The following TBC1D1 variants were observed in gnomAD, a reference collection of about 807,000 sequenced individuals.
TBC1D1 encodes the protein TBC1 (tre-2/USP6, BUB2, cdc16) domain family, member 1.
In TBC1D1, 89 loss-of-function variants were observed where a neutral mutation model predicts 125.6. The observed-to-expected ratio is 0.71, with a 90% CI of 0.60 to 0.85. The LOEUF (loss-of-function observed/expected upper bound fraction) is 0.85. TBC1D1 is among the 40% of genes least tolerant of loss of function. The pLI is 0.00. For synonymous variants in TBC1D1, 565 were observed against 564.1 expected, an observed-to-expected ratio of 1.00 and a Z score of -0.02; for missense variants, 1,377 against 1,469.2, an observed-to-expected ratio of 0.94 and a Z score of 1.03.
rs1175260940 is a variant in TBC1D1 at position 37,902,099 on chromosome 4, G to T, written c.4G>T (p.Glu2Ter). 1 of 1,596,346 alleles carries T rather than the reference G, an allele frequency of 6.3e-7. No individual in the cohort carries two copies. Among genetic ancestry groups the T allele is most frequent in the East Asian group, 2.2e-5 (1 of 44,710 alleles). Residue 2 changes from glutamate (E) to a stop codon, truncating the protein, a stop_gained, in exon 2 of 20, where the codon GAA becomes TAA. Coordinates refer to ENST00000261439, the MANE Select transcript of TBC1D1 (RefSeq NM_015173.4). LOFTEE classifies it high-confidence loss of function. ...GAGTTCCCAGACCCTTCCCAAGATG[G>T]AACCAATAACATTCACAGCAAGGAA...
intron 2 of TBC1D1, among the ~76,000 whole-genome samples, chr4:37,953,934 G>A (rs539527731): frequency 6.6e-6 from 1 of 152,172 alleles, no homozygotes; most frequent in African/African-American, 2.4e-5. Context: ...AGATTATCAG[G>A]CTCCACTTCA....
intron 19 of TBC1D1, among the ~76,000 whole-genome samples, chr4:38,135,922 ATATGTGTG>A (rs1426368087): frequency 1.3e-5 from 1 of 76,760 alleles, no homozygotes; most frequent in Non-Finnish European, 2.7e-5. Flanking sequence ...GTGTGTGTGT[ATATGTGTG>A]TGTGTGTGTG....
chr4:38,003,358 C>T (rs1325213691), intron 2 of TBC1D1, among the ~76,000 whole-genome samples: 1 of 152,078 alleles, frequency 6.6e-6, no homozygotes, highest in Non-Finnish European at 1.5e-5. Context: ...TTAATCAGAA[C>T]ATTCATACTC....
intron 2 of TBC1D1, among the ~76,000 whole-genome samples, chr4:37,919,344 T>TG (rs1353958971): frequency 1.3e-5 from 2 of 151,298 alleles, no homozygotes; most frequent in Admixed American, 6.6e-5. Context: ...GTTTTTGTTT[T>TG]TTTTTTTTTT....
chr4:37,900,991 G>C (rs1715848154), intron 1 of TBC1D1, among the ~76,000 whole-genome samples: 1 of 151,278 alleles, frequency 6.6e-6, no homozygotes, highest in Non-Finnish European at 1.5e-5. Context: ...AGAATTGCTT[G>C]AACCCAGGGG....
intron 2 of TBC1D1, among the ~76,000 whole-genome samples, chr4:37,983,123 T>C (rs940510904): frequency 2.6e-5 from 1 of 38,878 alleles, no homozygotes; most frequent in Admixed American, 4.4e-4. Flanking sequence ...CCCAAACTCT[T>C]TTTTTTTTTT....
rs189728614 is a variant in TBC1D1 at position 37,972,332 on chromosome 4, T to G, written c.418-42177T>G. On this transcript the variant is annotated intron_variant, in intron 2 of 19. Transcript: ENST00000261439. ...CCCTGTCTCTACTAAAAATACAAAA[T>G]TAGCCAGGTGTGACAGTGCATGCCT... 6.1e-4 allele frequency among the ~76,000 whole-genome samples: 93 copies of G among 151,730 alleles called. 2 individuals carry two copies. Among genetic ancestry groups the G allele is most frequent in the Admixed American group, 5.6e-3 (85 of 15,236 alleles).
chr4:37,960,825 C>A (rs773185229), intron 2 of TBC1D1: 1 of 1,614,006 alleles, frequency 6.2e-7, no homozygotes, highest in Non-Finnish European at 8.5e-7. Flanking sequence ...TTTTGACCTG[C>A]CTGAAGAGCG....
At chr4:37,969,596 C>T (rs1482403305) in intron 2 of TBC1D1, among the ~76,000 whole-genome samples, 2 of 152,210 alleles carry the variant, frequency 1.3e-5, no homozygotes, top group African/African-American at 2.4e-5. Context: ...TCCACTGCCT[C>T]AGCCTCCCAA....
chr4:37,969,356 G>C (rs996911478), intron 2 of TBC1D1, among the ~76,000 whole-genome samples: 1 of 152,120 alleles, frequency 6.6e-6, no homozygotes, highest in Non-Finnish European at 1.5e-5. Flanking sequence ...TTGTTTGTTT[G>C]TTTGAGACAG....
chr4:38,029,524 C>A (rs1030485824), intron 7 of TBC1D1, among the ~76,000 whole-genome samples: 4 of 152,184 alleles, frequency 2.6e-5, no homozygotes, highest in Non-Finnish European at 2.9e-5. Context: ...CCTGCCACCA[C>A]CACACTGCTA....
intron 7 of TBC1D1, among the ~76,000 whole-genome samples, chr4:38,032,981 G>A (rs1370089689): frequency 6.6e-6 from 1 of 152,072 alleles, no homozygotes; most frequent in East Asian, 1.9e-4. Flanking sequence ...TTTCTTGATT[G>A]TGTATAACAC....
chr4:38,122,017 A>T (rs1413010649), intron 17 of TBC1D1, among the ~76,000 whole-genome samples: 1 of 152,124 alleles, frequency 6.6e-6, no homozygotes, highest in East Asian at 1.9e-4. Flanking sequence ...CACCCAAATG[A>T]TCTCCCGATT....
intron 2 of TBC1D1, among the ~76,000 whole-genome samples, chr4:37,980,097 C>T (rs1464475196): frequency 6.6e-6 from 1 of 152,212 alleles, no homozygotes; most frequent in Non-Finnish European, 1.5e-5. Context: ...ATGTGTTTTT[C>T]TTGCACGATG....
chr4:38,072,325 C>T (rs567660651), intron 12 of TBC1D1, among the ~76,000 whole-genome samples: 1 of 152,332 alleles, frequency 6.6e-6, no homozygotes, highest in Non-Finnish European at 1.5e-5. Context: ...TACATCATGA[C>T]TTTCCTGCCC....
chr4:37,971,017 T>C (rs1401088169), intron 2 of TBC1D1, among the ~76,000 whole-genome samples: 3 of 152,082 alleles, frequency 2.0e-5, no homozygotes, highest in Non-Finnish European at 2.9e-5. Flanking sequence ...TTGCTTCTTG[T>C]TCCTCCTCAA....
Position 37,960,920 on chromosome 4 carries a change from C to T in TBC1D1, c.418-53589C>T, listed in dbSNP as rs768533112. Reference sequence around the variant, plus strand: ...AGCTTGAAAAGCTGTTTCAGCTGGGCCCCCCTTCACCTGTGAAAATGCCCT... The same window carrying T: ...AGCTTGAAAAGCTGTTTCAGCTGGGTCCCCCTTCACCTGTGAAAATGCCCT... On this transcript the variant is annotated intron_variant, in intron 2 of 19. Transcript: ENST00000261439. The T allele has an allele frequency of 2.2e-5, 35 of 1,613,970 alleles. No individual in the cohort carries two copies. The East Asian group carries it at 6.7e-4, about 31-fold the overall frequency.
Position 38,062,219 on chromosome 4 carries a change from C to G in TBC1D1, c.2050+7881C>G, listed in dbSNP as rs944101790. 5.3e-5 allele frequency among the ~76,000 whole-genome samples: 8 copies of G among 152,066 alleles called. 1 individual carries two copies. The highest frequency in any genetic ancestry group is 1.2e-4 in the African/African-American group (5 of 41,488). ...CACCACTTGGTGGCAGTGTTGCTCC[C>G]CGCATCTTGATTGCCCTTGTTTCTT... On this transcript the variant is annotated intron_variant, in intron 12 of 19. Coordinates refer to ENST00000261439, the MANE Select transcript of TBC1D1 (RefSeq NM_015173.4).
At chr4:37,921,735 T>A (rs1270271002) in intron 2 of TBC1D1, among the ~76,000 whole-genome samples, 1 of 151,908 alleles carries the variant, frequency 6.6e-6, no homozygotes, top group East Asian at 1.9e-4. Flanking sequence ...TGATTTTGCC[T>A]GTCCTGTTTT....
Sources: gnomAD v4.1 joint callset for allele counts (sites outside exome capture counted in the v4.1 genomes callset) on GRCh38, gnomAD v4.1.1 for gene constraint, MANE v1.5 for transcripts, NCBI Gene and HGNC (gene_info 2026-07-23, HGNC 2026-07-21) for gene names.